Variants in C8orf34 observed in about 807,000 individuals in gnomAD.
C8orf34 encodes the protein uncharacterized protein C8orf34.
A neutral mutation model predicts 68.3 loss-of-function variants in C8orf34; 65 were observed. The observed-to-expected ratio is 0.95, with a 90% CI of 0.78 to 1.17. The LOEUF (loss-of-function observed/expected upper bound fraction) is 1.17, where lower values mean the gene tolerates loss of function less well. Ranked by LOEUF, C8orf34 falls within the 50% of genes most tolerant of loss-of-function variation. The pLI is 0.00. For synonymous variants in C8orf34, 244 were observed against 241.2 expected, an observed-to-expected ratio of 1.01 and a Z score of -0.11; for missense variants, 664 against 655.4, an observed-to-expected ratio of 1.01 and a Z score of -0.14.
intron 10 of C8orf34, among the ~76,000 whole-genome samples, chr8:68,733,717 TAG>T (rs1454556913): frequency 2.0e-5 from 3 of 152,202 alleles, no homozygotes; most frequent in Non-Finnish European, 4.4e-5. Flanking sequence ...GTGATTTTTA[TAG>T]AGTTTCTTAA....
At chr8:68,511,311 G>T (rs1452314149) in intron 5 of C8orf34, among the ~76,000 whole-genome samples, 1 of 152,178 alleles carries the variant, frequency 6.6e-6, no homozygotes, top group Non-Finnish European at 1.5e-5. Flanking sequence ...TATTCCTGAT[G>T]CAAGTAGCCC....
chr8:68,660,325 A>G (rs1305525453), intron 8 of C8orf34, among the ~76,000 whole-genome samples: 1 of 152,142 alleles, frequency 6.6e-6, no homozygotes. Flanking sequence ...AGGGAGAGAA[A>G]GAAGAAATGT....
chr8:68,330,462 T>C (rs1805518741), upstream of C8orf34, among the ~76,000 whole-genome samples: 6 of 152,100 alleles, frequency 3.9e-5, no homozygotes, highest in Admixed American at 3.3e-4. Context: ...GGAAGGCAAC[T>C]TCTTTTTCGC....
chr8:68,616,532 T>G (rs1336983734), intron 7 of C8orf34, among the ~76,000 whole-genome samples: 1 of 152,238 alleles, frequency 6.6e-6, no homozygotes, highest in Non-Finnish European at 1.5e-5. Context: ...TATTTCTGCC[T>G]TCATTTCGTT....
At chr8:68,473,146 GA>G (rs1812452719) in intron 4 of C8orf34, among the ~76,000 whole-genome samples, 1 of 152,136 alleles carries the variant, frequency 6.6e-6, no homozygotes, top group South Asian at 2.1e-4. Context: ...GACACAACAA[GA>G]AGTGGGTTTA....
At chr8:68,635,383 C>T (rs2130714619) in intron 7 of C8orf34, among the ~76,000 whole-genome samples, 1 of 152,256 alleles carries the variant, frequency 6.6e-6, no homozygotes, top group South Asian at 2.1e-4. Context: ...ATTAACCACA[C>T]AATTTCTTCA....
At chr8:68,651,923 CT>C in intron 8 of C8orf34, among the ~76,000 whole-genome samples, 1 of 152,140 alleles carries the variant, frequency 6.6e-6, no homozygotes, top group Non-Finnish European at 1.5e-5. Context: ...AGTATATTGT[CT>C]TGAGAAAGTC....
intron 1 of C8orf34, among the ~76,000 whole-genome samples, chr8:68,423,221 T>C (rs1024796585): frequency 6.6e-6 from 1 of 152,124 alleles, no homozygotes; most frequent in Non-Finnish European, 1.5e-5. Context: ...AGTCTGCAAA[T>C]TTTCTAAGCT....
At chr8:68,805,236 G>A (rs1824447439) in intron 12 of C8orf34, among the ~76,000 whole-genome samples, 1 of 152,208 alleles carries the variant, frequency 6.6e-6, no homozygotes, top group Non-Finnish European at 1.5e-5. Context: ...CTTCCTTAAT[G>A]ATCCAGTAAA....
intron 5 of C8orf34, among the ~76,000 whole-genome samples, chr8:68,491,330 G>A (rs1167590752): frequency 1.3e-5 from 2 of 151,140 alleles, no homozygotes; most frequent in Admixed American, 6.6e-5. Flanking sequence ...ATTGGCTTTC[G>A]ATTGCTGCTG....
At chr8:68,366,592 C>T (rs534093566) in intron 1 of C8orf34, among the ~76,000 whole-genome samples, 5 of 151,546 alleles carry the variant, frequency 3.3e-5, no homozygotes, top group African/African-American at 7.3e-5. Flanking sequence ...GAAATAACAC[C>T]GCATACCTAC....
intron 4 of C8orf34, among the ~76,000 whole-genome samples, chr8:68,475,052 G>A (rs1812546567): frequency 6.6e-6 from 1 of 152,166 alleles, no homozygotes. Flanking sequence ...TGGGTCTCCA[G>A]TACCATTGCT....
chr8:68,344,144 G>A lies in C8orf34; in HGVS notation c.327+12805G>A, dbSNP rs76412977. ...TATGTTTCTAGAAGTATTATTTACA[G>A]TAGTAAAAAAACTAGGAACAACCCA... On this transcript the variant is annotated intron_variant, in intron 1 of 13. Coordinates refer to ENST00000518698, the MANE Select transcript of C8orf34 (RefSeq NM_052958.4). 7.9e-3 allele frequency among the ~76,000 whole-genome samples: 1,198 copies of A among 152,120 alleles called. 19 individuals are homozygous for A. The highest frequency in any genetic ancestry group is 0.027 in the African/African-American group (1,102 of 41,504).
chr8:68,578,237 A>G (rs1036060780), intron 7 of C8orf34, among the ~76,000 whole-genome samples: 1 of 152,010 alleles, frequency 6.6e-6, no homozygotes, highest in African/African-American at 2.4e-5. Context: ...TGTCTTGTGA[A>G]TAGGATTAAA....
chr8:68,468,769 A>G lies in C8orf34; in HGVS notation c.685A>G (p.Ile229Val), dbSNP rs1476805408. The G allele has an allele frequency of 1.2e-6, 2 of 1,612,722 alleles. No homozygotes were observed. Among genetic ancestry groups the G allele is most frequent in the Admixed American group, 3.3e-5 (2 of 59,834 alleles). The change falls in exon 4 of 14, where the codon ATC becomes GTC. Residue 229 changes from isoleucine (I) to valine (V), a missense_variant. Ile to Val is a conservative substitution (Grantham distance 29). Transcript: ENST00000518698. ...QSRDFDELNH[I>V]LQESKKLGKA... ...CCGTGATTTTGATGAATTGAATCAC[A>G]TCCTTCAGGAGAGCAAGAAGCTGGG...
intron 5 of C8orf34, among the ~76,000 whole-genome samples, chr8:68,508,717 C>T (rs966556477): frequency 2.6e-5 from 4 of 152,034 alleles, no homozygotes; most frequent in African/African-American, 9.7e-5. Flanking sequence ...TTGAGACTGG[C>T]GGACAAGCAT....
At chr8:68,494,170 A>G (rs1348107066) in intron 5 of C8orf34, among the ~76,000 whole-genome samples, 1 of 152,242 alleles carries the variant, frequency 6.6e-6, no homozygotes. Flanking sequence ...ACATATATAC[A>G]TACAATGGAA....
rs553541668 is a variant in C8orf34, at chr8:68,770,356, C to T, written c.1405-6043C>T. On this transcript the variant is annotated intron_variant, in intron 10 of 13. Coordinates refer to ENST00000518698, the MANE Select transcript of C8orf34 (RefSeq NM_052958.4). ...GAATGAATGAATACTATTTTTTGTACGTAATAGTGAAATAATATTATTTAT... is the reference window on the plus strand; with the variant it reads ...GAATGAATGAATACTATTTTTTGTATGTAATAGTGAAATAATATTATTTAT... Among the ~76,000 whole-genome samples the T allele has an allele frequency of 4.9e-4, 74 of 152,114 alleles. 1 individual carries two copies. The highest frequency in any genetic ancestry group is 1.0e-3 in the South Asian group (5 of 4,832).
At chr8:68,621,512 T>A (rs1452247401) in intron 7 of C8orf34, among the ~76,000 whole-genome samples, 1 of 152,198 alleles carries the variant, frequency 6.6e-6, no homozygotes, top group Non-Finnish European at 1.5e-5. Context: ...ATAGCAAAAC[T>A]GTAAACTCTA....
Sources: gnomAD v4.1 joint callset for allele counts (sites outside exome capture counted in the v4.1 genomes callset) on GRCh38, gnomAD v4.1.1 for gene constraint, MANE v1.5 for transcripts, NCBI Gene and HGNC (gene_info 2026-07-23, HGNC 2026-07-21) for gene names.